EPHB2: variants seen among roughly 807,000 people sequenced by gnomAD.
EPHB2 encodes EPH receptor B2.
EPHB2 carries 18 observed loss-of-function variants against 96.4 expected under a neutral mutation model. The ratio of observed to expected loss-of-function variants is 0.19; its 90% confidence interval spans 0.13 to 0.28. The LOEUF is 0.28. EPHB2 is among the 10% of genes least tolerant of loss of function. The pLI is 1.00. For synonymous variants in EPHB2, 506 were observed against 534.1 expected (o/e 0.95, Z 0.72); for missense variants, 989 against 1,355.4 (o/e 0.73, Z 4.25).
At chr1:22,775,678 G>T (rs918087769) in intron 1 of EPHB2, among the ~76,000 whole-genome samples, 2 of 152,184 alleles carry the variant, frequency 1.3e-5, no homozygotes, top group African/African-American at 4.8e-5. Flanking sequence ...TCCCCAGCCC[G>T]GCAGTCAGGG....
At chr1:22,810,518 C>G (rs1644988120) in intron 3 of EPHB2, among the ~76,000 whole-genome samples, 1 of 152,198 alleles carries the variant, frequency 6.6e-6, no homozygotes. Context: ...CCCCAAAAGT[C>G]AAAGAAGGCA....
intron 3 of EPHB2, among the ~76,000 whole-genome samples, chr1:22,847,789 T>C (rs200974070): frequency 3.1e-4 from 1 of 3,256 alleles, no homozygotes; most frequent in African/African-American, 3.8e-4. Flanking sequence ...GTCTGAACCC[T>C]TCCCCCCATA....
chr1:22,873,208 G>A (rs541542563), intron 5 of EPHB2, among the ~76,000 whole-genome samples: 1 of 152,350 alleles, frequency 6.6e-6, no homozygotes, highest in South Asian at 2.1e-4. Context: ...TCTTGGCGAG[G>A]TGCATTCTTA....
chr1:22,821,939 C>G (rs531678185), intron 3 of EPHB2, among the ~76,000 whole-genome samples: 2 of 152,140 alleles, frequency 1.3e-5, no homozygotes, highest in African/African-American at 4.8e-5. Flanking sequence ...TATGAGGCTC[C>G]GGTGGTGGTA....
intron 1 of EPHB2, among the ~76,000 whole-genome samples, chr1:22,714,398 T>C (rs1462992868): frequency 6.6e-6 from 1 of 152,190 alleles, no homozygotes; most frequent in East Asian, 1.9e-4. Flanking sequence ...CTTTAGAACT[T>C]ATAGGATGTG....
At chr1:22,845,549 G>T (rs1264276190) in intron 3 of EPHB2, among the ~76,000 whole-genome samples, 1 of 152,252 alleles carries the variant, frequency 6.6e-6, no homozygotes. Context: ...ATTAGTCCTT[G>T]TCTGTGGGTG....
At chr1:22,886,101 C>T (rs1023732525) in intron 6 of EPHB2, among the ~76,000 whole-genome samples, 1 of 152,130 alleles carries the variant, frequency 6.6e-6, no homozygotes, top group African/African-American at 2.4e-5. Context: ...CAGCAAAGGT[C>T]CCAGGAGGGC....
intron 3 of EPHB2, among the ~76,000 whole-genome samples, chr1:22,788,257 G>A (rs1644639743): frequency 6.6e-6 from 1 of 152,194 alleles, no homozygotes; most frequent in Non-Finnish European, 1.5e-5. Context: ...GCAAGGTGGG[G>A]CAGGGTTAAG....
Position 22,752,809 on chromosome 1 carries a change from A to G in EPHB2, c.62-28612A>G, listed in dbSNP as rs374292117. 9.9e-5 allele frequency among the ~76,000 whole-genome samples: 15 copies of G among 152,252 alleles called. 1 individual carries two copies. The highest frequency in any genetic ancestry group is 3.6e-4 in the African/African-American group (15 of 41,550). Reference sequence around the variant, plus strand: ...CACACACACATATGTTTTGAATTGGAGTCTTGCTCTGTCGCCCCGGCTGGA... The same window carrying G: ...CACACACACATATGTTTTGAATTGGGGTCTTGCTCTGTCGCCCCGGCTGGA... On this transcript the variant is annotated intron_variant, in intron 1 of 15. Transcript: ENST00000374630.
chr1:22,825,881 G>C (rs879837677), intron 3 of EPHB2, among the ~76,000 whole-genome samples: 2 of 152,226 alleles, frequency 1.3e-5, no homozygotes, highest in South Asian at 2.1e-4. Flanking sequence ...AGGATCGTCT[G>C]GGGGGATGCT....
chr1:22,764,937 C>T (rs550957199), intron 1 of EPHB2, among the ~76,000 whole-genome samples: 58 of 152,260 alleles, frequency 3.8e-4, no homozygotes, highest in African/African-American at 1.4e-3. Context: ...TGGGTTCCTC[C>T]AAGCAGGGGC....
rs76709846 is a variant in EPHB2, at chr1:22,874,358, G to A, written c.1304-8001G>A. Among the ~76,000 whole-genome samples the A allele has an allele frequency of 2.0e-4, 31 of 152,294 alleles. No individual in the cohort carries two copies. The East Asian group carries it at 5.6e-3, about 28-fold the overall frequency. On this transcript the variant is annotated intron_variant, in intron 5 of 15. Coordinates refer to ENST00000374630, the MANE Select transcript of EPHB2 (RefSeq NM_017449.5). ...GGCTTTTAGCATCTTGCTAGTCCAG[G>A]TGCTGGGGTAGGACTGTCCCACCAG...
intron 3 of EPHB2, among the ~76,000 whole-genome samples, chr1:22,827,886 C>T (rs1184173764): frequency 6.6e-6 from 1 of 152,226 alleles, no homozygotes; most frequent in East Asian, 1.9e-4. Context: ...GCTCCAGGGG[C>T]CTTCACCATC....
chr1:22,846,592 T>C lies in EPHB2; in HGVS notation c.812-16445T>C, dbSNP rs1209697928. On this transcript the variant is annotated intron_variant, in intron 3 of 15. Coordinates refer to ENST00000374630, the MANE Select transcript of EPHB2 (RefSeq NM_017449.5). This position sits in a 1 kb window ranked among gnomAD's most constrained non-coding sequence, Gnocchi z 4.3. Reference sequence around the variant, plus strand: ...GTTGCTGGGTAGGCGGCTTGTTGCCTCTCCAGCCTCGTGTCCTGCATCTCT... The same window carrying C: ...GTTGCTGGGTAGGCGGCTTGTTGCCCCTCCAGCCTCGTGTCCTGCATCTCT... 3.9e-5 allele frequency among the ~76,000 whole-genome samples: 6 copies of C among 152,222 alleles called. No homozygotes were observed. The highest frequency in any genetic ancestry group is 2.0e-4 in the Admixed American group (3 of 15,292).
chr1:22,867,295 C>A (rs938164699), intron 5 of EPHB2, among the ~76,000 whole-genome samples: 14 of 152,136 alleles, frequency 9.2e-5, no homozygotes, highest in Admixed American at 4.6e-4. Context: ...TGTATACATG[C>A]ATTTGTGAGC....
chr1:22,754,057 G>A lies in EPHB2; in HGVS notation c.62-27364G>A, dbSNP rs1190433962. Among the ~76,000 whole-genome samples the A allele has an allele frequency of 2.6e-5, 4 of 152,194 alleles. No individual in the cohort carries two copies. The South Asian group carries it at 6.2e-4, about 24-fold the overall frequency. ...CCCCTGGGGTTCCAGGCCGCTGTAA[G>A]GACCCCAAATCCTGGGCCTGAGTGT... On this transcript the variant is annotated intron_variant, in intron 1 of 15. Coordinates refer to ENST00000374630, the MANE Select transcript of EPHB2 (RefSeq NM_017449.5).
intron 1 of EPHB2, among the ~76,000 whole-genome samples, chr1:22,727,636 G>A (rs929812121): frequency 5.0e-4 from 76 of 152,118 alleles, no homozygotes; most frequent in African/African-American, 1.7e-3. Flanking sequence ...ATAGTGGCAC[G>A]GCTGGAACTT....
intron 5 of EPHB2, 119 bp downstream of exon 5, chr1:22,865,331 T>A (rs1192648032): frequency 1.0e-5 from 12 of 1,201,690 alleles, no homozygotes; most frequent in Non-Finnish European, 1.5e-5. Context: ...TTCAAAGGCT[T>A]TTCATGTGAT....
chr1:22,736,744 T>G (rs1643839281), intron 1 of EPHB2, among the ~76,000 whole-genome samples: 1 of 152,214 alleles, frequency 6.6e-6, no homozygotes. Context: ...CAATGGGGCT[T>G]TCTTGTCAGA....
Sources: allele counts gnomAD v4.1 joint callset (sites outside exome capture counted in the v4.1 genomes callset), GRCh38; gene constraint gnomAD v4.1.1; non-coding constraint Gnocchi (gnomAD v3.1); transcripts MANE v1.5; gene names NCBI Gene and HGNC (gene_info 2026-07-23, HGNC 2026-07-21).